DRC9: variants seen among roughly 807,000 people sequenced by gnomAD.
The protein encoded by DRC9 is dynein regulatory complex protein 9.
the DRC9 span, among the ~76,000 whole-genome samples, chr3:197,890,437 T>TAGA: frequency 6.6e-6 from 1 of 152,036 alleles, no homozygotes; most frequent in South Asian, 2.1e-4. Flanking sequence ...CAGATAAGTC[T>TAGA]AGATGACTTT....
At chr3:197,941,087 G>T in the DRC9 span, among the ~76,000 whole-genome samples, 1 of 152,094 alleles carries the variant, frequency 6.6e-6, no homozygotes, top group Non-Finnish European at 1.5e-5. Flanking sequence ...GCATTGAAAA[G>T]ACTTCATTTA....
the DRC9 span, chr3:197,955,833 A>G: frequency 1.5e-6 from 2 of 1,346,770 alleles, no homozygotes; most frequent in South Asian, 2.3e-5. Flanking sequence ...AAGTGGATTA[A>G]AAAACTTACT....
At chr3:197,926,097 T>C in the DRC9 span, 1 of 1,522,512 alleles carries the variant, frequency 6.6e-7, no homozygotes, top group Non-Finnish European at 9.1e-7. Context: ...TTTTCTTCCT[T>C]TTTCCTCCCT....
the DRC9 span, among the ~76,000 whole-genome samples, chr3:197,899,336 C>T: frequency 2.0e-5 from 3 of 152,300 alleles, no homozygotes; most frequent in East Asian, 3.9e-4. Flanking sequence ...TTCCAATTCA[C>T]GCTGCCAAGC....
At chr3:197,957,516 G>GCC in the DRC9 span, 4 of 148,986 alleles carry the variant, frequency 2.7e-5, no homozygotes, top group African/African-American at 9.9e-5. Flanking sequence ...GGAGTGCAGT[G>GCC]GCGCAATCTT....
chr3:197,939,492 C>T, the DRC9 span, among the ~76,000 whole-genome samples: 1 of 152,182 alleles, frequency 6.6e-6, no homozygotes, highest in Admixed American at 6.5e-5. Context: ...CAGGAACGGC[C>T]TATGCCTTTC....
At chr3:197,950,599 A>T in the DRC9 span, 1 of 381,870 alleles carries the variant, frequency 2.6e-6, no homozygotes, top group African/African-American at 2.0e-5. Context: ...TAAAAGTCTT[A>T]CGTGTGTGTT....
At chr3:197,947,891 G>T in the DRC9 span, among the ~76,000 whole-genome samples, 1 of 149,056 alleles carries the variant, frequency 6.7e-6, no homozygotes, top group Admixed American at 6.7e-5. Context: ...GGTCCCGGGA[G>T]ACTCCATCAT....
chr3:197,908,882 G>C, the DRC9 span, among the ~76,000 whole-genome samples: 20 of 151,390 alleles, frequency 1.3e-4, no homozygotes, highest in Admixed American at 1.3e-3. Flanking sequence ...CCTTTCCAAG[G>C]CACCCTCCCA....
At chr3:197,894,726 G>A in the DRC9 span, 1 of 152,180 alleles carries the variant, frequency 6.6e-6, no homozygotes, top group Admixed American at 6.5e-5. Context: ...AGTTCCTTAG[G>A]TGGCACATAG....
At chr3:197,953,744 G>C in the DRC9 span, 1 of 556,098 alleles carries the variant, frequency 1.8e-6, no homozygotes, top group Non-Finnish European at 3.2e-6. Flanking sequence ...GTTATCATCT[G>C]ACCTATGTAT....
chr3:197,960,116 G>C, the DRC9 span: 1 of 917,380 alleles, frequency 1.1e-6, no homozygotes. Flanking sequence ...ACTTCTAGCG[G>C]GTGACGCTGT....
chr3:197,937,162 T>C, the DRC9 span, among the ~76,000 whole-genome samples: 424 of 152,332 alleles, frequency 2.8e-3, no homozygotes, highest in African/African-American at 9.4e-3. Context: ...TCCTGCGTAA[T>C]TGCAGTAAAA....
chr3:197,926,106 C>A, the DRC9 span: 1 of 1,482,634 alleles, frequency 6.7e-7, no homozygotes, highest in Non-Finnish European at 9.4e-7. Flanking sequence ...TTTTTCCTCC[C>A]TAGAAGATAT....
chr3:197,904,057 T>TATATATACATAC, the DRC9 span, among the ~76,000 whole-genome samples: 62 of 89,470 alleles, frequency 6.9e-4, 1 homozygote, highest in South Asian at 9.1e-4. Flanking sequence ...TACATACATA[T>TATATATACATAC]ATATATATAC....
chr3:197,930,533 G>A, the DRC9 span, among the ~76,000 whole-genome samples: 2 of 151,780 alleles, frequency 1.3e-5, no homozygotes, highest in African/African-American at 2.4e-5. Flanking sequence ...TTGAGCCCAC[G>A]ATTTTGAGAC....
the DRC9 span, among the ~76,000 whole-genome samples, chr3:197,940,474 T>C: frequency 1.2e-4 from 18 of 152,290 alleles, no homozygotes; most frequent in Admixed American, 5.2e-4. Flanking sequence ...CGTATATTAA[T>C]ATATTTTTCA....
the DRC9 span, chr3:197,955,633 C>T: frequency 2.1e-6 from 2 of 944,590 alleles, no homozygotes; most frequent in Non-Finnish European, 3.5e-6. Context: ...AAAAACTTTC[C>T]TTACCACTAG....
chr3:197,921,089 C>G, the DRC9 span, among the ~76,000 whole-genome samples: 6 of 142,970 alleles, frequency 4.2e-5, no homozygotes, highest in African/African-American at 1.4e-4. Flanking sequence ...TTCAGTAACT[C>G]CGGGGATTTC....
Sources: gnomAD v4.1 joint callset for allele counts (sites outside exome capture counted in the v4.1 genomes callset) on GRCh38, gnomAD v4.1.1 for gene constraint, MANE v1.5 for transcripts, NCBI Gene and HGNC (gene_info 2026-07-23, HGNC 2026-07-21) for gene names.